The following ROBO1 variants were observed in gnomAD, a reference collection of about 807,000 sequenced individuals.
ROBO1 encodes roundabout homolog 1.
A neutral mutation model predicts 195.9 loss-of-function variants in ROBO1; 149 were observed. The ratio of observed to expected loss-of-function variants is 0.76; its 90% CI spans 0.67 to 0.87. The LOEUF is 0.87. ROBO1 is among the 40% of genes least tolerant of loss of function. The pLI is 0.00. For missense variants in ROBO1, 1,933 were observed against 2,068.3 expected, an observed-to-expected ratio of 0.93 and a Z score of 1.27; for synonymous variants, 816 against 733.2, an observed-to-expected ratio of 1.11 and a Z score of -1.82.
At chr3:79,111,672 T>C (rs527874616) in intron 3 of ROBO1, among the ~76,000 whole-genome samples, 1 of 152,188 alleles carries the variant, frequency 6.6e-6, no homozygotes, top group Non-Finnish European at 1.5e-5. Context: ...CTGGACAATA[T>C]CTACAGGATA....
intron 4 of ROBO1, among the ~76,000 whole-genome samples, chr3:78,799,442 C>T (rs924043780): frequency 4.6e-5 from 7 of 151,872 alleles, no homozygotes; most frequent in Admixed American, 1.3e-4. Flanking sequence ...CCCGGGTTCA[C>T]GCCATTCTCC....
chr3:79,395,340 A>AAAAAGAAAGAAAGAAAGAAAG (rs71631648), intron 2 of ROBO1, among the ~76,000 whole-genome samples: 51 of 119,060 alleles, frequency 4.3e-4, no homozygotes, highest in African/African-American at 1.5e-3. Flanking sequence ...AAAAAAAAAA[A>AAAAAGAAAGAAAGAAAGAAAG]AAAGAAAGAA....
chr3:78,719,973 A>C (rs1295766919), intron 5 of ROBO1, among the ~76,000 whole-genome samples: 1 of 152,132 alleles, frequency 6.6e-6, no homozygotes, highest in Non-Finnish European at 1.5e-5. Flanking sequence ...ATATCATTTA[A>C]ATTTTTGTCT....
chr3:78,994,448 T>C (rs1427168445), intron 3 of ROBO1, among the ~76,000 whole-genome samples: 2 of 152,218 alleles, frequency 1.3e-5, no homozygotes, highest in Admixed American at 6.5e-5. Context: ...TAAAAGATAG[T>C]AAATCTGTTG....
chr3:79,534,148 CAAAAAAAAAAAAAAAA>C (rs5850434), intron 2 of ROBO1, among the ~76,000 whole-genome samples: 2 of 59,948 alleles, frequency 3.3e-5, no homozygotes, highest in African/African-American at 6.3e-5. Flanking sequence ...CTGGGGAAGG[CAAAAAAAAAAAAAAAA>C]AAAAAAAAAA....
chr3:79,373,350 C>T (rs1211051732), intron 2 of ROBO1, among the ~76,000 whole-genome samples: 3 of 151,996 alleles, frequency 2.0e-5, no homozygotes, highest in Non-Finnish European at 4.4e-5. Flanking sequence ...TATTCCTTCA[C>T]TTTGCCTTAT....
At chr3:79,161,204 G>C (rs921304274) in intron 2 of ROBO1, among the ~76,000 whole-genome samples, 3 of 152,036 alleles carry the variant, frequency 2.0e-5, no homozygotes, top group African/African-American at 4.8e-5. Context: ...CCTTGACCAA[G>C]GCTGCCTGCC....
chr3:78,949,792 A>C (rs931707454), intron 3 of ROBO1, among the ~76,000 whole-genome samples: 2 of 152,188 alleles, frequency 1.3e-5, no homozygotes, highest in Non-Finnish European at 2.9e-5. Context: ...CAGAATCTAC[A>C]ATGAACTCCA....
chr3:79,170,874 T>C (rs2081153342), intron 2 of ROBO1, among the ~76,000 whole-genome samples: 1 of 152,110 alleles, frequency 6.6e-6, no homozygotes, highest in Non-Finnish European at 1.5e-5. Context: ...TTATTTTTCA[T>C]ACTTGTGTTC....
intron 3 of ROBO1, among the ~76,000 whole-genome samples, chr3:78,979,579 G>C (rs757992742): frequency 1.1e-4 from 17 of 152,100 alleles, no homozygotes; most frequent in Non-Finnish European, 1.6e-4. Flanking sequence ...GGAAACTTAG[G>C]ATACTATAAA....
intron 4 of ROBO1, among the ~76,000 whole-genome samples, chr3:78,802,474 C>T (rs549622317): frequency 6.6e-6 from 1 of 152,196 alleles, no homozygotes; most frequent in African/African-American, 2.4e-5. Flanking sequence ...TATCTCTGTA[C>T]TAAGTTGAAG....
intron 4 of ROBO1, among the ~76,000 whole-genome samples, chr3:78,936,275 T>C (rs926277888): frequency 6.6e-6 from 1 of 152,052 alleles, no homozygotes; most frequent in Non-Finnish European, 1.5e-5. Flanking sequence ...GTTACAGCTG[T>C]AAAACTTGGT....
At chr3:79,608,131 T>C (rs1944547461) in intron 1 of ROBO1, among the ~76,000 whole-genome samples, 1 of 152,022 alleles carries the variant, frequency 6.6e-6, no homozygotes, top group Non-Finnish European at 1.5e-5. Context: ...CTTTGTTACA[T>C]GCATGTGCTT....
At chr3:79,422,044 T>TA (rs2038243712) in intron 2 of ROBO1, among the ~76,000 whole-genome samples, 1 of 149,634 alleles carries the variant, frequency 6.7e-6, no homozygotes, top group African/African-American at 2.4e-5. Context: ...ACCAATGAGT[T>TA]AAAATGTATA....
chr3:78,720,847 A>G (rs150520848), intron 5 of ROBO1, among the ~76,000 whole-genome samples: 1,572 of 152,210 alleles, frequency 0.01, 18 homozygotes, highest in Non-Finnish European at 0.017. Flanking sequence ...CACAAGAACA[A>G]AAAACCAAAC....
chr3:79,398,370 T>C (rs2037230832), intron 2 of ROBO1, among the ~76,000 whole-genome samples: 1 of 152,132 alleles, frequency 6.6e-6, no homozygotes, highest in Admixed American at 6.6e-5. Context: ...ATTGAAGACA[T>C]AATGAAATAG....
intron 1 of ROBO1, among the ~76,000 whole-genome samples, chr3:79,666,476 T>C (rs2106868226): frequency 1.3e-5 from 2 of 152,100 alleles, no homozygotes; most frequent in East Asian, 3.9e-4. Context: ...TCTTGAATTG[T>C]AGCTCCCATA....
chr3:79,676,833 G>A (rs76771984), intron 1 of ROBO1, among the ~76,000 whole-genome samples: 4,400 of 152,060 alleles, frequency 0.029, 167 homozygotes, highest in African/African-American at 0.087. Context: ...GAGAATGAGG[G>A]GGAGTCAGTT....
chr3:78,927,352 T>C (rs1253121421), intron 4 of ROBO1, among the ~76,000 whole-genome samples: 2 of 152,218 alleles, frequency 1.3e-5, no homozygotes, highest in Non-Finnish European at 2.9e-5. Context: ...ACCAAGGCAC[T>C]TTTAAAATTG....
Sources: allele counts gnomAD v4.1 joint callset (sites outside exome capture counted in the v4.1 genomes callset), GRCh38; gene constraint gnomAD v4.1.1; transcripts MANE v1.5; gene names NCBI Gene and HGNC (gene_info 2026-07-23, HGNC 2026-07-21).